ARAP1: variants seen among roughly 807,000 people sequenced by gnomAD.
The protein encoded by ARAP1 is ArfGAP with RhoGAP domain, ankyrin repeat and PH domain 1.
A neutral mutation model predicts 172.2 loss-of-function variants in ARAP1; 76 were observed. That is an observed-to-expected ratio of 0.44 (90% CI 0.37 to 0.53). The LOEUF (loss-of-function observed/expected upper bound fraction) is 0.53. Among genes scored for constraint, ARAP1 ranks in the 20% least tolerant of loss-of-function variants. ARAP1 has a pLI of 0.00. For missense variants in ARAP1, 1,686 were observed against 1,977.5 expected, an observed-to-expected ratio of 0.85 and a Z score of 2.80; for synonymous variants, 804 against 803.3, an observed-to-expected ratio of 1.00 and a Z score of -0.01.
In ARAP1 at chr11:72,711,004, C is replaced by T; in HGVS notation, c.1213+17G>A. 6.2e-7 allele frequency: 1 copy of T among 1,614,048 alleles called. No homozygotes were observed. Among genetic ancestry groups the T allele is most frequent in the Non-Finnish European group, 8.5e-7 (1 of 1,179,932 alleles). On this transcript the variant is annotated intron_variant, in intron 9 of 34. Transcript: ENST00000393609. ...TACCCTCTTCTACACACACACACAACACCCCACACTCCCCACCATCACTCT... is the reference window on the plus strand; with the variant it reads ...TACCCTCTTCTACACACACACACAATACCCCACACTCCCCACCATCACTCT...
chr11:72,686,925 T>C (rs977849226), intron 33 of ARAP1, among the ~76,000 whole-genome samples: 2 of 152,198 alleles, frequency 1.3e-5, no homozygotes, highest in Non-Finnish European at 2.9e-5. Flanking sequence ...AAGCCTCTTC[T>C]GAGATTCTGC....
intron 1 of ARAP1, among the ~76,000 whole-genome samples, chr11:72,742,977 A>G (rs533439616): frequency 1.3e-5 from 2 of 152,292 alleles, no homozygotes; most frequent in South Asian, 2.1e-4. Context: ...TTGCCCAGGC[A>G]TCTCCATGAC....
Position 72,697,922 on chromosome 11 carries a change from A to G in ARAP1, c.2726T>C (p.Leu909Pro). 1 of 1,602,886 alleles carries G rather than the reference A, an allele frequency of 6.2e-7. No homozygotes were observed. Among genetic ancestry groups the G allele is most frequent in the Non-Finnish European group, 8.5e-7 (1 of 1,173,794 alleles). ...TCTGGTCCACGCACAAAGCTCCTGC[A>G]GTTTCCGTAGTTGCAGCGGCTCTTC... ...PCEEPLQLRK[L>P]QELSIQGDSE... The change falls in exon 19 of 35, where the codon CTG (leucine) becomes CCG (proline). Residue 909 changes from leucine (L) to proline (P), a missense_variant. By Grantham distance (98) the Leu-to-Pro change is moderately conservative (BLOSUM62 -3). Transcript: ENST00000393609.
At chr11:72,729,690 A>G (rs1171411297) in intron 2 of ARAP1, among the ~76,000 whole-genome samples, 1 of 152,064 alleles carries the variant, frequency 6.6e-6, no homozygotes, top group Non-Finnish European at 1.5e-5. Flanking sequence ...GGCTAAAGCA[A>G]GAGGACTGCT....
chr11:72,698,310 C>G (rs1565213530), intron 18 of ARAP1, among the ~76,000 whole-genome samples: 1 of 152,208 alleles, frequency 6.6e-6, no homozygotes, highest in South Asian at 2.1e-4. Flanking sequence ...CTCTGGAAAG[C>G]CTTCCCAGAC....
At chr11:72,705,938 G>A (rs373909398) in intron 12 of ARAP1, 48 bp from the exon 13 acceptor site, 137 of 1,595,244 alleles carry the variant, frequency 8.6e-5, no homozygotes, top group African/African-American at 5.8e-4. Context: ...CCCCCTTCAC[G>A]GGAGCACTTA....
At chr11:72,702,107 CAAACTCAATAATAATCCCTGG>C (rs1192405172) in intron 15 of ARAP1, among the ~76,000 whole-genome samples, 2 of 152,240 alleles carry the variant, frequency 1.3e-5, no homozygotes, top group Non-Finnish European at 2.9e-5. Flanking sequence ...GGGCATTGGG[CAAACTCAATAATAATCCCTGG>C]AAAGAGGATT....
At chr11:72,738,209 G>A (rs1487046611) in intron 1 of ARAP1, among the ~76,000 whole-genome samples, 2 of 152,198 alleles carry the variant, frequency 1.3e-5, no homozygotes, top group Non-Finnish European at 2.9e-5. Flanking sequence ...TTTGGTGACA[G>A]GAGATGTCAG....
rs1055052206 is a variant in ARAP1 at position 72,707,109 on chromosome 11, A to G, written c.1723+66T>C. On this transcript the variant is annotated intron_variant, in intron 12 of 34. Coordinates refer to ENST00000393609, the MANE Select transcript of ARAP1 (RefSeq NM_001040118.3). Reference sequence around the variant, plus strand: ...CTCCAGGCCCTCCTCCAGATAGGATACCTGCCATCCCAACTGGCCAACCCC... The same window carrying G: ...CTCCAGGCCCTCCTCCAGATAGGATGCCTGCCATCCCAACTGGCCAACCCC... The G allele has an allele frequency of 4.1e-6, 6 of 1,446,480 alleles. No homozygotes were observed. In the African/African-American group the frequency reaches 7.1e-5, roughly 17 times the overall value. The allele number at this position is 1,446,480 out of a possible 1,614,324, so 89.6% of individuals were successfully genotyped here. A position where few individuals can be genotyped will look rare whatever the true frequency, so the allele number is the denominator to read the frequency against.
At chr11:72,721,425 C>T (rs996140417) in intron 3 of ARAP1, among the ~76,000 whole-genome samples, 1 of 152,170 alleles carries the variant, frequency 6.6e-6, no homozygotes, top group Non-Finnish European at 1.5e-5. Flanking sequence ...CAAACTAAGC[C>T]TCCCCAACGA....
chr11:72,697,802 C>A, intron 19 of ARAP1, 109 bp downstream of exon 19: 3 of 1,321,460 alleles, frequency 2.3e-6, no homozygotes, highest in Non-Finnish European at 3.1e-6. Flanking sequence ...GGCAGGATGG[C>A]GGCTCTGGCC....
At chr11:72,731,008 C>T (rs1857849215) in intron 2 of ARAP1, among the ~76,000 whole-genome samples, 1 of 152,158 alleles carries the variant, frequency 6.6e-6, no homozygotes, top group African/African-American at 2.4e-5. Flanking sequence ...GTTTGTGTAA[C>T]ATTCTCTCTC....
chr11:72,710,012 T>C lies in ARAP1; in HGVS notation c.1417-36A>G, dbSNP rs901380873. On this transcript the variant is annotated intron_variant, in intron 10 of 34. Coordinates refer to ENST00000393609, the MANE Select transcript of ARAP1 (RefSeq NM_001040118.3). This position sits in a 1 kb window ranked among gnomAD's most constrained non-coding sequence, Gnocchi z 4.3. Reference sequence around the variant, plus strand: ...GATGGGACGGGATGAGGGCAAGGCTTTGGGGGCAGGGCGTGAGGCTTGGGA... The same window carrying C: ...GATGGGACGGGATGAGGGCAAGGCTCTGGGGGCAGGGCGTGAGGCTTGGGA... The C allele has an allele frequency of 6.4e-7, 1 of 1,569,054 alleles. No individual in the cohort carries two copies. The highest frequency in any genetic ancestry group is 8.8e-7 in the Non-Finnish European group (1 of 1,140,604).
Position 72,712,425 on chromosome 11 carries a change from G to T in ARAP1, c.878+13C>A. The T allele has an allele frequency of 6.4e-7, 1 of 1,558,756 alleles. No individual in the cohort carries two copies. On this transcript the variant is annotated intron_variant, in intron 6 of 34. Transcript: ENST00000393609. ...GTTGGGCTCAGTGGGAAGGAGGGTG[G>T]CCGGACACTCACTTGGGGACGCCCT...
At chr11:72,721,365 G>T (rs1037517857) in intron 3 of ARAP1, among the ~76,000 whole-genome samples, 4 of 152,178 alleles carry the variant, frequency 2.6e-5, no homozygotes, top group African/African-American at 9.7e-5. Flanking sequence ...CTGGTCTGGG[G>T]GTGAGAGGTT....
intron 3 of ARAP1, among the ~76,000 whole-genome samples, chr11:72,715,626 A>G (rs1857239562): frequency 6.7e-6 from 1 of 148,344 alleles, no homozygotes; most frequent in Non-Finnish European, 1.5e-5. Context: ...ACTGGAGTGC[A>G]ATGGCACAAT....
intron 30 of ARAP1, among the ~76,000 whole-genome samples, chr11:72,691,261 G>A (rs1482880735): frequency 1.3e-5 from 2 of 152,224 alleles, no homozygotes; most frequent in Admixed American, 6.5e-5. Flanking sequence ...AGTATGTGAA[G>A]GGCCAGCACT....
intron 3 of ARAP1, chr11:72,722,090 T>C (rs897439010): frequency 9.1e-6 from 9 of 985,354 alleles, no homozygotes; most frequent in African/African-American, 1.7e-5. Flanking sequence ...GTGAATCACT[T>C]CTCTACGTGC....
chr11:72,696,489 TG>T (rs1279880074), intron 23 of ARAP1, 59 bp downstream of exon 23: 16 of 1,369,556 alleles, frequency 1.2e-5, no homozygotes, highest in Non-Finnish European at 1.6e-5. Context: ...TCAGCCAGGG[TG>T]GGGGTAGAAG....
Sources: gnomAD v4.1 joint callset for allele counts (sites outside exome capture counted in the v4.1 genomes callset) on GRCh38, gnomAD v4.1.1 for gene constraint, Gnocchi (gnomAD v3.1) non-coding constraint, MANE v1.5 for transcripts, NCBI Gene and HGNC (gene_info 2026-07-23, HGNC 2026-07-21) for gene names.